PPFIA2: variants seen among roughly 807,000 people sequenced by gnomAD.
PPFIA2 encodes liprin-alpha-2.
PPFIA2 carries 46 observed loss-of-function variants against 175.5 expected under a neutral mutation model. That is an observed-to-expected ratio of 0.26 (90% CI 0.21 to 0.34). PPFIA2 has a LOEUF of 0.34. Ranked by LOEUF, PPFIA2 falls within the 10% of genes least tolerant of loss-of-function variation. The pLI, the probability that PPFIA2 is intolerant of heterozygous loss-of-function variation, is 1.00. For synonymous variants in PPFIA2, 568 were observed against 511.4 expected, an observed-to-expected ratio of 1.11 and a Z score of -1.49; for missense variants, 1,179 against 1,506.1, an observed-to-expected ratio of 0.78 and a Z score of 3.60.
At position 81,639,108 on chromosome 12, in the gene PPFIA2, G is replaced by T. The variant is rs182427717; in HGVS notation, c.303+37683C>A. Among the ~76,000 whole-genome samples, 5 of 152,154 alleles carry T rather than the reference G, an allele frequency of 3.3e-5. No homozygotes were observed. In the East Asian group the frequency reaches 9.7e-4, roughly 29 times the overall value. The stretch of plus-strand genomic sequence containing the variant: ...TTGAAGGAAGTACTTGTTATTAAGG[G>T]AATTGTCCAAAGTCTTTAGTTTGTC... On this transcript the variant is annotated intron_variant, in intron 4 of 32. Coordinates refer to ENST00000549396, the MANE Select transcript of PPFIA2 (RefSeq NM_003625.5).
chr12:81,462,672 G>T (rs1300284776), intron 4 of PPFIA2, among the ~76,000 whole-genome samples: 1 of 148,754 alleles, frequency 6.7e-6, no homozygotes, highest in Non-Finnish European at 1.5e-5. Context: ...CTCTGATCCT[G>T]GTAGTTTCTT....
chr12:81,512,411 C>A, intron 4 of PPFIA2: 2 of 1,216,384 alleles, frequency 1.6e-6, no homozygotes, highest in South Asian at 1.3e-5. Context: ...GATGCTGGAC[C>A]CAGCCTAAAA....
chr12:81,313,377 G>A (rs928280984), intron 22 of PPFIA2, among the ~76,000 whole-genome samples: 56 of 151,980 alleles, frequency 3.7e-4, no homozygotes, highest in African/African-American at 1.3e-3. Context: ...AAAGATTGAT[G>A]TGCAATGGAA....
chr12:81,376,090 T>C (rs2036291518), intron 9 of PPFIA2, 148 bp from the exon 10 acceptor site: 1 of 759,688 alleles, frequency 1.3e-6, no homozygotes, highest in African/African-American at 1.8e-5. Flanking sequence ...GAATGTGAGA[T>C]TGCAGGTGCA....
At chr12:81,529,750 G>T (rs2064249379) in intron 4 of PPFIA2, among the ~76,000 whole-genome samples, 1 of 151,924 alleles carries the variant, frequency 6.6e-6, no homozygotes, top group South Asian at 2.1e-4. Flanking sequence ...CATGGTCCAG[G>T]TGCTAAATAT....
intron 16 of PPFIA2, among the ~76,000 whole-genome samples, chr12:81,353,903 T>C (rs1380512485): frequency 1.3e-5 from 2 of 152,212 alleles, no homozygotes; most frequent in Non-Finnish European, 2.9e-5. Context: ...AAAGTGAATA[T>C]GACATTAGAG....
At chr12:81,550,981 T>C (rs1594830964) in intron 4 of PPFIA2, among the ~76,000 whole-genome samples, 1 of 151,940 alleles carries the variant, frequency 6.6e-6, no homozygotes, top group African/African-American at 2.4e-5. Flanking sequence ...TGGTGCATTA[T>C]GATGCATTGA....
intron 8 of PPFIA2, among the ~76,000 whole-genome samples, chr12:81,392,374 G>A (rs527789174): frequency 4.5e-4 from 69 of 151,930 alleles, no homozygotes; most frequent in African/African-American, 1.6e-3. Context: ...TGACTAATTA[G>A]ATGTCAAAAT....
At chr12:81,490,389 G>A (rs556342818) in intron 4 of PPFIA2, among the ~76,000 whole-genome samples, 1 of 151,996 alleles carries the variant, frequency 6.6e-6, no homozygotes, top group African/African-American at 2.4e-5. Context: ...ATGCATGCAG[G>A]CTGTCAGCAT....
intron 4 of PPFIA2, among the ~76,000 whole-genome samples, chr12:81,644,341 A>T (rs141323188): frequency 6.6e-6 from 1 of 152,138 alleles, no homozygotes; most frequent in East Asian, 1.9e-4. Context: ...AAGTTGGTGA[A>T]CACACTAAAT....
intron 16 of PPFIA2, among the ~76,000 whole-genome samples, chr12:81,355,401 C>A (rs1485960666): frequency 6.6e-6 from 1 of 152,024 alleles, no homozygotes; most frequent in Non-Finnish European, 1.5e-5. Context: ...TCTTGAAGAC[C>A]CTAGGATTTT....
At chr12:81,430,817 G>A (rs2047974973) in intron 7 of PPFIA2, 1 of 152,106 alleles carries the variant, frequency 6.6e-6, no homozygotes, top group Admixed American at 6.5e-5. Context: ...TATGATCCAT[G>A]GGCCTGTAAT....
intron 28 of PPFIA2, among the ~76,000 whole-genome samples, chr12:81,268,391 G>A (rs186627225): frequency 0.01 from 1,579 of 151,956 alleles, 13 homozygotes; most frequent in Middle Eastern, 0.031. Flanking sequence ...GCCCGCCTCG[G>A]CCTCCCAAAG....
At chr12:81,751,092 T>C (rs1443142022) in intron 3 of PPFIA2, among the ~76,000 whole-genome samples, 1 of 152,010 alleles carries the variant, frequency 6.6e-6, no homozygotes, top group African/African-American at 2.4e-5. Context: ...ATAGAAAACT[T>C]ATAGCCCTAA....
chr12:81,625,696 T>G (rs1312776071), intron 4 of PPFIA2, among the ~76,000 whole-genome samples: 1 of 151,564 alleles, frequency 6.6e-6, no homozygotes, highest in Non-Finnish European at 1.5e-5. Flanking sequence ...ATAATTAGTA[T>G]TGTAGGTATT....
At chr12:81,446,562 A>T (rs924681617) in intron 5 of PPFIA2, among the ~76,000 whole-genome samples, 1 of 152,240 alleles carries the variant, frequency 6.6e-6, no homozygotes, top group South Asian at 2.1e-4. Flanking sequence ...TTCAGTTATT[A>T]TAATTTTACT....
At chr12:81,259,773 A>C in intron 32 of PPFIA2, 113 bp from the exon 33 acceptor site, 1 of 834,354 alleles carries the variant, frequency 1.2e-6, no homozygotes, top group Non-Finnish European at 1.8e-6. Context: ...GTCCTAGAAG[A>C]TCATGAGAAG....
chr12:81,713,528 C>T (rs935537488), intron 3 of PPFIA2, among the ~76,000 whole-genome samples: 2 of 151,080 alleles, frequency 1.3e-5, no homozygotes, highest in African/African-American at 2.4e-5. Context: ...CTACAGCTTC[C>T]ATAGTCTGCA....
At chr12:81,570,281 GT>G (rs1487900180) in intron 4 of PPFIA2, among the ~76,000 whole-genome samples, 1 of 152,122 alleles carries the variant, frequency 6.6e-6, no homozygotes, top group African/African-American at 2.4e-5. Flanking sequence ...TGATTTGTAT[GT>G]TTTCCTCAAA....
Sources: gnomAD v4.1 joint callset for allele counts (sites outside exome capture counted in the v4.1 genomes callset) on GRCh38, gnomAD v4.1.1 for gene constraint, MANE v1.5 for transcripts, NCBI Gene and HGNC (gene_info 2026-07-23, HGNC 2026-07-21) for gene names.